Variants in ERCC6L2 observed in about 807,000 individuals in gnomAD.
ERCC6L2 encodes DNA excision repair protein ERCC-6-like 2.
ERCC6L2 carries 77 observed loss-of-function variants against 132.0 expected under a neutral mutation model. The observed-to-expected ratio is 0.58, with a 90% CI of 0.49 to 0.71. The LOEUF is 0.71. Among genes scored for constraint, ERCC6L2 ranks in the 30% least tolerant of loss-of-function variants. ERCC6L2 has a pLI of 0.00. For missense variants in ERCC6L2, 1,542 were observed against 1,837.6 expected, an observed-to-expected ratio of 0.84 and a Z score of 2.94; for synonymous variants, 583 against 632.4, an observed-to-expected ratio of 0.92 and a Z score of 1.17.
At chr9:95,887,016 C>T (rs767167986) in intron 2 of ERCC6L2, among the ~76,000 whole-genome samples, 8 of 152,224 alleles carry the variant, frequency 5.3e-5, no homozygotes, top group Non-Finnish European at 1.0e-4. Flanking sequence ...GCTCTTCAGC[C>T]TGCAGACATG....
At chr9:95,885,078 A>G (rs1827794626) in intron 2 of ERCC6L2, among the ~76,000 whole-genome samples, 1 of 152,216 alleles carries the variant, frequency 6.6e-6, no homozygotes, top group South Asian at 2.1e-4. Flanking sequence ...GGAGTCACAT[A>G]ATAACTACTA....
chr9:95,898,933 A>G (rs1207273805), intron 3 of ERCC6L2, among the ~76,000 whole-genome samples: 1 of 152,130 alleles, frequency 6.6e-6, no homozygotes, highest in Non-Finnish European at 1.5e-5. Context: ...ATCAGATTCA[A>G]TGTGATCCTG....
At chr9:95,954,969 A>T in intron 12 of ERCC6L2, 2 of 440,048 alleles carry the variant, frequency 4.5e-6, no homozygotes, top group African/African-American at 4.1e-5. Flanking sequence ...GGGTGACCTT[A>T]TAAGTTCAAA....
chr9:96,032,475 T>C (rs1037252540), intron 19 of ERCC6L2, among the ~76,000 whole-genome samples: 1 of 152,144 alleles, frequency 6.6e-6, no homozygotes, highest in African/African-American at 2.4e-5. Flanking sequence ...TAGCTGGCTC[T>C]TTTACCTTTG....
intron 20 of ERCC6L2, among the ~76,000 whole-genome samples, chr9:96,040,776 C>T (rs942352527): frequency 6.6e-6 from 1 of 152,212 alleles, no homozygotes; most frequent in Non-Finnish European, 1.5e-5. Context: ...TTCTGCAAAA[C>T]ACTCTAGAAG....
chr9:96,011,975 A>G (rs1834040938), intron 18 of ERCC6L2, among the ~76,000 whole-genome samples: 1 of 152,240 alleles, frequency 6.6e-6, no homozygotes, highest in African/African-American at 2.4e-5. Flanking sequence ...AATACCTAAT[A>G]TAATAGCATA....
rs190675895 is a variant in ERCC6L2 at position 95,965,709 on chromosome 9, C to T, written c.1948-853C>T. On this transcript the variant is annotated intron_variant, in intron 13 of 18. Transcript: ENST00000653738. ...TAGTAGAGAAGGGGTTTCACCACGTCGACCAGGTTGGGCTCTGACTCCTCA... is the reference window on the plus strand; with the variant it reads ...TAGTAGAGAAGGGGTTTCACCACGTTGACCAGGTTGGGCTCTGACTCCTCA... 3.3e-5 allele frequency among the ~76,000 whole-genome samples: 5 copies of T among 152,098 alleles called. No individual in the cohort carries two copies. The East Asian group carries it at 9.7e-4, about 30-fold the overall frequency.
intron 13 of ERCC6L2, among the ~76,000 whole-genome samples, chr9:95,962,251 T>C (rs1187645215): frequency 6.6e-6 from 1 of 151,988 alleles, no homozygotes; most frequent in African/African-American, 2.4e-5. Flanking sequence ...TGAGGTGTTT[T>C]GGGGGGGTTG....
In ERCC6L2 at chr9:95,972,780, A is replaced by G. The variant is rs1373627539; in HGVS notation, c.3029A>G (p.Lys1010Arg). The G allele has an allele frequency of 7.7e-6, 10 of 1,303,978 alleles. No homozygotes were observed. The highest frequency in any genetic ancestry group is 4.6e-5 in the Admixed American group (2 of 43,512). 80.8% of individuals were successfully genotyped at this position (1,303,978 alleles called of 1,614,324 possible). A position where few individuals can be genotyped will look rare whatever the true frequency, so the allele number is the denominator to read the frequency against. The change falls in exon 16 of 19, where the codon AAA (lysine) becomes AGA (arginine). Residue 1010 changes from lysine to arginine, a missense_variant. Lys to Arg is a conservative substitution (Grantham distance 26). Around this residue, in one of 4 missense-constraint regions of ERCC6L2, gnomAD observed 945 missense variants for 1,105.2 expected, o/e 0.86. Transcript: ENST00000653738. Reference protein sequence around the residue: ...SLRFKRIKETKKELHNSPKTM... With the variant: ...SLRFKRIKETRKELHNSPKTM... ...AGGTTTAAGAGAATAAAAGAAACCA[A>G]AAAAGAACTTCACAATTCTCCCAAA...
intron 17 of ERCC6L2, among the ~76,000 whole-genome samples, chr9:95,989,919 C>T (rs1165310440): frequency 2.0e-5 from 3 of 152,098 alleles, no homozygotes; most frequent in African/African-American, 7.2e-5. Context: ...GGCAAGAAGC[C>T]GGGTTCTGAG....
intron 13 of ERCC6L2, among the ~76,000 whole-genome samples, chr9:95,962,227 T>TA (rs199841987): frequency 0.025 from 3,749 of 152,216 alleles, 51 homozygotes; most frequent in Admixed American, 0.039. Flanking sequence ...AAAGCTTTTT[T>TA]AAAAAATGCA....
At chr9:95,989,367 A>G (rs1008845189) in intron 17 of ERCC6L2, among the ~76,000 whole-genome samples, 5 of 152,180 alleles carry the variant, frequency 3.3e-5, no homozygotes, top group African/African-American at 4.8e-5. Context: ...GCTGCCAGCC[A>G]CCAGCCAATT....
intron 17 of ERCC6L2, among the ~76,000 whole-genome samples, chr9:95,999,224 G>A (rs896041987): frequency 6.6e-6 from 1 of 152,160 alleles, no homozygotes; most frequent in Non-Finnish European, 1.5e-5. Flanking sequence ...AGCCAGGCGT[G>A]GTGGTGGGCG....
At chr9:95,919,092 C>G (rs879542354) in intron 6 of ERCC6L2, among the ~76,000 whole-genome samples, 1 of 152,134 alleles carries the variant, frequency 6.6e-6, no homozygotes, top group Non-Finnish European at 1.5e-5. Flanking sequence ...TGGTCTTGAA[C>G]TCCTGACCTC....
chr9:95,899,481 A>T (rs1413725723), intron 3 of ERCC6L2, among the ~76,000 whole-genome samples: 2 of 152,086 alleles, frequency 1.3e-5, no homozygotes, highest in African/African-American at 4.8e-5. Context: ...AAGAAAAGAA[A>T]GTTAACAAAG....
Position 95,986,335 on chromosome 9 carries a change from G to A in ERCC6L2, c.3492+8120G>A, listed in dbSNP as rs962785497. Among the ~76,000 whole-genome samples, 5 of 152,204 alleles carry A rather than the reference G, an allele frequency of 3.3e-5. No homozygotes were observed. The East Asian group carries it at 9.7e-4, about 29-fold the overall frequency. On this transcript the variant is annotated intron_variant, in intron 17 of 18. Transcript: ENST00000653738. ...AGCCCCATGACACCATAGGGATTCA[G>A]GCTCTTTCCTTTTCTGCCCCACTAT... is the stretch of plus-strand genomic sequence containing the variant.
intron 3 of ERCC6L2, 34 bp from the exon 4 acceptor site, chr9:95,907,044 A>G (rs892274678): frequency 3.2e-6 from 5 of 1,540,220 alleles, no homozygotes; most frequent in Non-Finnish European, 2.6e-6. Context: ...TTCAGTTTTT[A>G]AAAAACAGCA....
At chr9:95,877,983 G>A (rs1389975575) in intron 1 of ERCC6L2, among the ~76,000 whole-genome samples, 1 of 152,126 alleles carries the variant, frequency 6.6e-6, no homozygotes, top group Non-Finnish European at 1.5e-5. Context: ...ATAATTAAAT[G>A]TTATGATAAG....
downstream of ERCC6L2, among the ~76,000 whole-genome samples, chr9:96,022,594 C>T (rs1191430256): frequency 1.3e-5 from 2 of 152,194 alleles, no homozygotes; most frequent in Non-Finnish European, 2.9e-5. Context: ...GAGCCATGAC[C>T]CTTCCTAACT....
Sources: gnomAD v4.1 joint callset for allele counts (sites outside exome capture counted in the v4.1 genomes callset) on GRCh38, gnomAD v4.1.1 for gene constraint, gnomAD v4.1.1 regional missense constraint, MANE v1.5 for transcripts, NCBI Gene and HGNC (gene_info 2026-07-23, HGNC 2026-07-21) for gene names.